DCC: variants seen among roughly 807,000 people sequenced by gnomAD.
DCC encodes the protein netrin receptor DCC.
A neutral mutation model predicts 172.5 loss-of-function variants in DCC; 58 were observed. That is an observed-to-expected ratio of 0.34 (90% CI 0.27 to 0.42). The LOEUF (loss-of-function observed/expected upper bound fraction) is 0.42, where lower values mean the gene tolerates loss of function less well. DCC is among the 10% of genes least tolerant of loss of function. The pLI is 1.00. For synonymous variants in DCC, 709 were observed against 644.5 expected (o/e 1.10, Z -1.52); for missense variants, 1,740 against 1,791.0 (o/e 0.97, Z 0.51).
At chr18:53,206,021 G>T (rs2055620313) in intron 10 of DCC, among the ~76,000 whole-genome samples, 1 of 131,872 alleles carries the variant, frequency 7.6e-6, no homozygotes, top group Non-Finnish European at 1.6e-5. Context: ...AATAGAAATT[G>T]AGTTTCATAT....
At chr18:52,799,364 A>G (rs1322625099) in intron 2 of DCC, among the ~76,000 whole-genome samples, 1 of 152,194 alleles carries the variant, frequency 6.6e-6, no homozygotes, top group Non-Finnish European at 1.5e-5. Flanking sequence ...ATCAAAGGTA[A>G]GAGAATTTTT....
At chr18:53,041,830 A>C (rs2042172670) in intron 5 of DCC, among the ~76,000 whole-genome samples, 1 of 151,850 alleles carries the variant, frequency 6.6e-6, no homozygotes, top group Admixed American at 6.6e-5. Context: ...TGTGTATAGG[A>C]ATGCTTGTGA....
At chr18:53,000,317 T>C (rs2041544313) in intron 5 of DCC, among the ~76,000 whole-genome samples, 1 of 152,120 alleles carries the variant, frequency 6.6e-6, no homozygotes, top group South Asian at 2.1e-4. Flanking sequence ...TGCCCCTTGA[T>C]GATGCTTCTT....
chr18:53,156,003 T>G (rs2054727506), intron 7 of DCC, among the ~76,000 whole-genome samples: 1 of 152,156 alleles, frequency 6.6e-6, no homozygotes, highest in South Asian at 2.1e-4. Flanking sequence ...TTGTGATAAC[T>G]TTTTGGTTAC....
At chr18:52,450,848 G>C (rs1178386231) in intron 1 of DCC, among the ~76,000 whole-genome samples, 2 of 152,094 alleles carry the variant, frequency 1.3e-5, no homozygotes, top group African/African-American at 4.8e-5. Flanking sequence ...TGCTCTGCAG[G>C]TCAGGCTTAA....
intron 1 of DCC, among the ~76,000 whole-genome samples, chr18:52,535,755 T>C (rs1276975643): frequency 6.6e-6 from 1 of 152,164 alleles, no homozygotes; most frequent in Non-Finnish European, 1.5e-5. Flanking sequence ...AACTGATGCA[T>C]GGGGATTTTC....
chr18:53,398,983 A>G (rs527894405), intron 18 of DCC, among the ~76,000 whole-genome samples: 1 of 152,146 alleles, frequency 6.6e-6, no homozygotes, highest in African/African-American at 2.4e-5. Flanking sequence ...TTCTGCAGTA[A>G]GATAAAGACC....
chr18:53,012,026 A>T (rs1467035585), intron 5 of DCC, among the ~76,000 whole-genome samples: 2 of 151,950 alleles, frequency 1.3e-5, no homozygotes, highest in Non-Finnish European at 2.9e-5. Flanking sequence ...TATTTAAATT[A>T]AAAAGACTAA....
chr18:52,501,431 T>C (rs534582618), intron 1 of DCC, among the ~76,000 whole-genome samples: 1 of 152,274 alleles, frequency 6.6e-6, no homozygotes, highest in South Asian at 2.1e-4. Context: ...CTGAATGCCT[T>C]TACGTTGTCT....
chr18:53,395,217 C>T (rs970723369), intron 17 of DCC, among the ~76,000 whole-genome samples: 1 of 150,380 alleles, frequency 6.6e-6, no homozygotes, highest in Non-Finnish European at 1.5e-5. Flanking sequence ...ACAAAGATAA[C>T]TGGCCATGTT....
chr18:52,785,480 G>C (rs564004775), intron 2 of DCC, among the ~76,000 whole-genome samples: 1 of 152,164 alleles, frequency 6.6e-6, no homozygotes, highest in Admixed American at 6.6e-5. Flanking sequence ...ACTGCTGTTA[G>C]AGAATGTTGG....
intron 2 of DCC, among the ~76,000 whole-genome samples, chr18:52,869,465 A>G (rs2039282634): frequency 6.6e-6 from 1 of 152,160 alleles, no homozygotes; most frequent in African/African-American, 2.4e-5. Flanking sequence ...GTGGGCCTGG[A>G]AAAGGCACCA....
chr18:52,513,184 C>G (rs563198632), intron 1 of DCC, among the ~76,000 whole-genome samples: 4 of 152,308 alleles, frequency 2.6e-5, no homozygotes, highest in African/African-American at 9.6e-5. Context: ...TAGTAATAGA[C>G]AGTTTGCTTG....
At chr18:53,244,992 T>A (rs145211950) in intron 12 of DCC, among the ~76,000 whole-genome samples, 357 of 152,248 alleles carry the variant, frequency 2.3e-3, no homozygotes, top group African/African-American at 8.3e-3. Context: ...TTAGCATCAG[T>A]GGTGGCTTAG....
intron 15 of DCC, among the ~76,000 whole-genome samples, chr18:53,364,875 G>C (rs909859319): frequency 1.3e-5 from 2 of 152,006 alleles, no homozygotes; most frequent in Admixed American, 1.3e-4. Context: ...TACATACACA[G>C]ATACGTAACA....
chr18:53,313,569 T>C (rs1465574654), intron 13 of DCC, among the ~76,000 whole-genome samples: 1 of 152,208 alleles, frequency 6.6e-6, no homozygotes, highest in Non-Finnish European at 1.5e-5. Context: ...AGAGAACAAA[T>C]TAACTCTTCT....
intron 2 of DCC, among the ~76,000 whole-genome samples, chr18:52,851,045 AAGTC>A (rs2038968283): frequency 2.6e-5 from 4 of 152,088 alleles, no homozygotes; most frequent in Admixed American, 2.6e-4. Context: ...AATTGCTAAA[AAGTC>A]AGTAAGTAGA....
At chr18:52,861,876 C>G (rs1210787383) in intron 2 of DCC, among the ~76,000 whole-genome samples, 1 of 151,936 alleles carries the variant, frequency 6.6e-6, no homozygotes, top group African/African-American at 2.4e-5. Context: ...ATTGAAGAAG[C>G]AAATTTTGGA....
At chr18:52,853,011 C>T (rs1017899080) in intron 2 of DCC, among the ~76,000 whole-genome samples, 16 of 152,170 alleles carry the variant, frequency 1.1e-4, no homozygotes, top group East Asian at 3.9e-4. Flanking sequence ...CATTCATTTT[C>T]CCCCAAAGTT....
Sources: allele counts gnomAD v4.1 joint callset (sites outside exome capture counted in the v4.1 genomes callset), GRCh38; gene constraint gnomAD v4.1.1; transcripts MANE v1.5; gene names NCBI Gene and HGNC (gene_info 2026-07-23, HGNC 2026-07-21).